Variants in PCCA observed in about 807,000 individuals in gnomAD.
The protein encoded by PCCA is propionyl-CoA carboxylase alpha chain, mitochondrial.
Under a neutral mutation model 101.3 loss-of-function variants are expected in PCCA, and 74 were observed. The ratio of observed to expected loss-of-function variants is 0.73; its 90% confidence interval spans 0.61 to 0.89. The LOEUF (loss-of-function observed/expected upper bound fraction) is 0.89, where lower values mean the gene tolerates loss of function less well. Among genes scored for constraint, PCCA ranks in the 40% least tolerant of loss-of-function variants. PCCA has a pLI of 0.00. For synonymous variants in PCCA, 294 were observed against 313.6 expected, an observed-to-expected ratio of 0.94 and a Z score of 0.66; for missense variants, 891 against 907.0, an observed-to-expected ratio of 0.98 and a Z score of 0.23.
At chr13:100,332,128 G>T (rs557475372) in intron 17 of PCCA, among the ~76,000 whole-genome samples, 6 of 151,882 alleles carry the variant, frequency 4.0e-5, no homozygotes, top group Non-Finnish European at 7.4e-5. Flanking sequence ...TAGTAGAAAC[G>T]GGGTTTCACC....
intron 21 of PCCA, among the ~76,000 whole-genome samples, chr13:100,470,084 G>A (rs1259657721): frequency 3.9e-5 from 6 of 152,094 alleles, no homozygotes; most frequent in African/African-American, 7.2e-5. Context: ...TTCTTGCGTC[G>A]TTTCCACCTC....
chr13:100,327,114 A>G lies in PCCA; in HGVS notation c.1430-3447A>G, dbSNP rs183854414. Among the ~76,000 whole-genome samples, 7 of 152,224 alleles carry G rather than the reference A, an allele frequency of 4.6e-5. No homozygotes were observed. In the East Asian group the frequency reaches 1.4e-3, roughly 29 times the overall value. On this transcript the variant is annotated intron_variant, in intron 16 of 23. Transcript: ENST00000376285. Reference sequence around the variant, plus strand: ...AAATTTCTGATATTTAAAGTATTCAATTTCATGAGTTTTGACATACGTATA... The same window carrying G: ...AAATTTCTGATATTTAAAGTATTCAGTTTCATGAGTTTTGACATACGTATA...
At chr13:100,333,861 A>G (rs2070017759) in intron 17 of PCCA, among the ~76,000 whole-genome samples, 2 of 152,312 alleles carry the variant, frequency 1.3e-5, no homozygotes, top group Admixed American at 6.5e-5. Flanking sequence ...GTATATCTAC[A>G]CTTTAAAAAA....
chr13:100,502,461 C>T (rs2085754197), intron 21 of PCCA, among the ~76,000 whole-genome samples: 1 of 152,156 alleles, frequency 6.6e-6, no homozygotes, highest in Non-Finnish European at 1.5e-5. Flanking sequence ...TATACAGATG[C>T]AAGGGAAATG....
chr13:100,456,384 T>C (rs1485066415), intron 21 of PCCA, among the ~76,000 whole-genome samples: 1 of 152,150 alleles, frequency 6.6e-6, no homozygotes, highest in Non-Finnish European at 1.5e-5. Context: ...GCCCAGGCCT[T>C]TGGGGCTTAG....
At chr13:100,390,568 G>T (rs547082409) in intron 19 of PCCA, among the ~76,000 whole-genome samples, 2 of 152,302 alleles carry the variant, frequency 1.3e-5, no homozygotes, top group Middle Eastern at 3.4e-3. Flanking sequence ...GGCAGAGGAA[G>T]AAGAATCAGC....
At chr13:100,438,553 A>G (rs113042400) in intron 20 of PCCA, among the ~76,000 whole-genome samples, 3 of 152,006 alleles carry the variant, frequency 2.0e-5, no homozygotes, top group African/African-American at 7.3e-5. Context: ...TTACCACACA[A>G]ATTATAGGCA....
chr13:100,416,114 T>C (rs1326821600), intron 19 of PCCA, among the ~76,000 whole-genome samples: 2 of 152,230 alleles, frequency 1.3e-5, no homozygotes, highest in African/African-American at 4.8e-5. Context: ...AGTGAAATGC[T>C]TTTAATGGAA....
chr13:100,348,916 TTTC>T (rs2072887561), intron 18 of PCCA, among the ~76,000 whole-genome samples: 1 of 73,878 alleles, frequency 1.4e-5, no homozygotes, highest in East Asian at 2.6e-4. Flanking sequence ...CTTCCTTTCT[TTTC>T]TTTTCTTTTC....
intron 12 of PCCA, among the ~76,000 whole-genome samples, chr13:100,300,347 CT>C (rs924703870): frequency 6.6e-6 from 1 of 151,022 alleles, no homozygotes; most frequent in Non-Finnish European, 1.5e-5. Flanking sequence ...TTTTACAAAG[CT>C]TTTTTTTTAA....
chr13:100,090,683 AAT>A (rs921433513), intron 1 of PCCA, among the ~76,000 whole-genome samples: 2 of 152,206 alleles, frequency 1.3e-5, no homozygotes, highest in African/African-American at 4.8e-5. Flanking sequence ...AAGAAAATAA[AAT>A]AGAGGGATTT....
intron 6 of PCCA, among the ~76,000 whole-genome samples, chr13:100,189,473 G>C (rs1478491806): frequency 6.6e-6 from 1 of 152,128 alleles, no homozygotes; most frequent in Non-Finnish European, 1.5e-5. Flanking sequence ...ATTTGTTTGA[G>C]TTCGTTGTAC....
chr13:100,305,983 C>T (rs1226734884), intron 14 of PCCA: 1 of 245,990 alleles, frequency 4.1e-6, no homozygotes, highest in Non-Finnish European at 8.1e-6. Context: ...TACAACCTTA[C>T]AAAGAGAATA....
chr13:100,413,805 G>A (rs2078196118), intron 19 of PCCA, among the ~76,000 whole-genome samples: 1 of 152,186 alleles, frequency 6.6e-6, no homozygotes, highest in Non-Finnish European at 1.5e-5. Context: ...CCATAATCAG[G>A]TAGGGGAGCG....
intron 21 of PCCA, among the ~76,000 whole-genome samples, chr13:100,454,006 G>C (rs8002297): frequency 0.1 from 15,688 of 151,946 alleles, 1,352 homozygotes; most frequent in African/African-American, 0.23. Context: ...GAGTAGCTGG[G>C]ACTACTGGTG....
intron 10 of PCCA, among the ~76,000 whole-genome samples, chr13:100,265,173 C>T (rs1173825389): frequency 6.6e-6 from 1 of 152,132 alleles, no homozygotes. Flanking sequence ...TTTCAAAGAA[C>T]AGAAGTTCTG....
chr13:100,278,477 G>T (rs903296513), intron 12 of PCCA, among the ~76,000 whole-genome samples: 1 of 143,886 alleles, frequency 6.9e-6, no homozygotes, highest in Non-Finnish European at 1.5e-5. Flanking sequence ...TATAAAACCC[G>T]ATAGTTGATT....
At chr13:100,376,376 T>C (rs770467921) in intron 19 of PCCA, among the ~76,000 whole-genome samples, 1 of 152,198 alleles carries the variant, frequency 6.6e-6, no homozygotes, top group Non-Finnish European at 1.5e-5. Context: ...GCTGGAGTGC[T>C]GTGCTAGGAG....
At chr13:100,313,353 G>C (rs1433862880) in intron 16 of PCCA, among the ~76,000 whole-genome samples, 25 of 152,118 alleles carry the variant, frequency 1.6e-4, no homozygotes, top group Admixed American at 1.6e-3. Flanking sequence ...ATAAACACAG[G>C]GCTGGCTAAA....
Sources: allele counts gnomAD v4.1 joint callset (sites outside exome capture counted in the v4.1 genomes callset), GRCh38; gene constraint gnomAD v4.1.1; transcripts MANE v1.5; gene names NCBI Gene and HGNC (gene_info 2026-07-23, HGNC 2026-07-21).